RASL10B: variants seen among roughly 807,000 people sequenced by gnomAD.
RASL10B encodes RAS like family 10 member B.
RASL10B carries 10 observed loss-of-function variants against 20.7 expected under a neutral mutation model. The observed-to-expected ratio is 0.48, with a 90% CI of 0.30 to 0.82. The LOEUF is 0.82. RASL10B is among the 40% of genes least tolerant of loss of function. RASL10B has a pLI of 0.07. For missense variants in RASL10B, 231 were observed against 295.4 expected (o/e 0.78, Z 1.60); for synonymous variants, 110 against 123.3 (o/e 0.89, Z 0.72).
rs1555596992 is a variant in RASL10B, at chr17:35,735,248, C to T, written c.64C>T (p.Arg22Cys). The T allele has an allele frequency of 4.3e-6, 7 of 1,613,484 alleles. No homozygotes were observed. Among genetic ancestry groups the T allele is most frequent in the East Asian group, 2.2e-5 (1 of 44,896 alleles). The change falls in exon 2 of 4, where the codon CGC becomes TGC. Residue 22 changes from arginine (R) to cysteine (C), a missense_variant. By Grantham distance (180) the Arg-to-Cys change is radical. Transcript: ENST00000603017. This position sits in a 1 kb window ranked among gnomAD's most constrained non-coding sequence, Gnocchi z 6.7. ...AGGTGTGGGCAAGAGTGCCATCGTG[C>T]GCCAGTTCTTGTACAACGAGTTCAG... ...ARGVGKSAIV[R>C]QFLYNEFSEV...
intron 1 of RASL10B, among the ~76,000 whole-genome samples, chr17:35,734,180 G>C (rs1439362689): frequency 6.6e-6 from 1 of 152,188 alleles, no homozygotes; most frequent in Non-Finnish European, 1.5e-5. Context: ...CAGCTACTCG[G>C]GAGGCTGAGG....
chr17:35,741,110 G>A lies in RASL10B; in HGVS notation c.417G>A (p.Pro139=), dbSNP rs1191920430. The change falls in exon 4 of 4, where the codon CCG becomes CCA. Residue 139 remains proline, a synonymous_variant. Coordinates refer to ENST00000603017, the MANE Select transcript of RASL10B (RefSeq NM_033315.4). The stretch of plus-strand genomic sequence containing the variant: ...ACCTGCAGCGCGGACGCGTGATCCC[G>A]CGCTGGAACGTGTCGCACCTGGTAC... ...KRDLQRGRVI[P]RWNVSHLVRK... is the part of the protein sequence containing the mutation. 6 of 1,613,392 alleles carry A rather than the reference G, an allele frequency of 3.7e-6. No homozygotes were observed. The highest frequency in any genetic ancestry group is 2.5e-6 in the Non-Finnish European group (3 of 1,179,980).
In RASL10B at chr17:35,741,282, C is replaced by A; in HGVS notation, c.589C>A (p.Arg197Ser). 2 of 1,525,260 alleles carry A rather than the reference C, an allele frequency of 1.3e-6. No homozygotes were observed. The highest frequency in any genetic ancestry group is 2.0e-4 in the Middle Eastern group (1 of 4,946). The allele number at this position is 1,525,260 out of a possible 1,614,324, so 94.5% of individuals were successfully genotyped here. A position where few individuals can be genotyped will look rare whatever the true frequency, so the allele number is the denominator to read the frequency against. ...AALRFQGALR[R>S]NRCAIM ...CCTGCGCTTCCAGGGCGCGCTGCGCCGCAACCGCTGCGCCATCATGTGACG... is the reference window on the plus strand; with the variant it reads ...CCTGCGCTTCCAGGGCGCGCTGCGCAGCAACCGCTGCGCCATCATGTGACG... The change falls in exon 4 of 4, where the codon CGC (arginine) becomes AGC (serine). Residue 197 changes from arginine (R) to serine (S), a missense_variant. Coordinates refer to ENST00000603017, the MANE Select transcript of RASL10B (RefSeq NM_033315.4).
chr17:35,741,497 T>C lies in RASL10B; in HGVS notation c.*192T>C. On this transcript the variant is annotated 3_prime_UTR_variant, in exon 4 of 4. Coordinates refer to ENST00000603017, the MANE Select transcript of RASL10B (RefSeq NM_033315.4). ...TCCGTAACTGCCCAGCCCTGCCCCT[T>C]GCCCCCGTGGCTTCCTGGGACAGCC... 3 of 869,992 alleles carry C rather than the reference T, an allele frequency of 3.4e-6. No individual in the cohort carries two copies. Among genetic ancestry groups the C allele is most frequent in the Non-Finnish European group, 4.8e-6 (3 of 627,668 alleles). 53.9% of individuals were successfully genotyped at this position (869,992 alleles called of 1,614,324 possible). A position where few individuals can be genotyped will look rare whatever the true frequency, so the allele number is the denominator to read the frequency against.
chr17:35,740,896 A>G (rs971343485), intron 3 of RASL10B, 139 bp from the exon 4 acceptor site: 5 of 693,052 alleles, frequency 7.2e-6, no homozygotes, highest in Non-Finnish European at 1.2e-5. Context: ...ATCAGAGAAT[A>G]TAACACCTCC....
intron 1 of RASL10B, among the ~76,000 whole-genome samples, chr17:35,733,574 C>T (rs1308728280): frequency 2.0e-5 from 3 of 152,222 alleles, no homozygotes; most frequent in Non-Finnish European, 2.9e-5. Context: ...TGCACCCATG[C>T]GGAAAAGCAT....
At chr17:35,732,600 C>A (rs1444804596) in intron 1 of RASL10B, among the ~76,000 whole-genome samples, 1 of 152,194 alleles carries the variant, frequency 6.6e-6, no homozygotes, top group Non-Finnish European at 1.5e-5. Flanking sequence ...GAGGCTGGCC[C>A]CAGCCTAGGG....
At position 35,741,042 on chromosome 17, in the gene RASL10B, G is replaced by C. The variant is rs371318883; in HGVS notation, c.349G>C (p.Gly117Arg). Residue 117 changes from glycine (G) to arginine (R), a missense_variant, in exon 4 of 4, where the codon GGA becomes CGA. By Grantham distance (125) the Gly-to-Arg change is moderately radical (BLOSUM62 -2). Transcript: ENST00000603017. The stretch of plus-strand genomic sequence containing the variant: ...GCCTGCCTCGCCCCACAGGGTGATC[G>C]GAACCTCAGAGACGCCCATCATCAT... ...RQQILETRVI[G>R]TSETPIIIVG... is the part of the protein sequence containing the mutation. 7 of 1,600,360 alleles carry C rather than the reference G, an allele frequency of 4.4e-6. No individual in the cohort carries two copies. The highest frequency in any genetic ancestry group is 6.0e-6 in the Non-Finnish European group (7 of 1,170,486).
At chr17:35,732,052 A>C (rs1318967321) in intron 1 of RASL10B, among the ~76,000 whole-genome samples, 174 bp downstream of exon 1, 2 of 147,308 alleles carry the variant, frequency 1.4e-5, no homozygotes, top group Non-Finnish European at 3.0e-5. Flanking sequence ...GCCACGTGAG[A>C]GCTGGAGCTG....
rs1308050806 is a variant in RASL10B at position 35,735,808 on chromosome 17, TG to T, written c.216+414del. 1.3e-5 allele frequency among the ~76,000 whole-genome samples: 2 copies of T among 152,020 alleles called. No homozygotes were observed. Among genetic ancestry groups the T allele is most frequent in the Non-Finnish European group, 1.5e-5 (1 of 68,010 alleles). Reference sequence around the variant, plus strand: ...CCATCCAGATGTGTTGGGGTGGAGTTGGGGGGTCACAGAGGGTGATGTCTCA... The same window carrying T: ...CCATCCAGATGTGTTGGGGTGGAGTTGGGGGTCACAGAGGGTGATGTCTCA... On this transcript the variant is annotated intron_variant, in intron 2 of 3. Transcript: ENST00000603017. The surrounding 1 kb of genome is among the most constrained non-coding windows in gnomAD (Gnocchi z 6.7).
At chr17:35,733,709 A>T (rs1555596672) in intron 1 of RASL10B, among the ~76,000 whole-genome samples, 1 of 152,234 alleles carries the variant, frequency 6.6e-6, no homozygotes, top group East Asian at 1.9e-4. Context: ...ACCATCACCA[A>T]CAAAAGAAGA....
intron 2 of RASL10B, among the ~76,000 whole-genome samples, chr17:35,739,214 C>T (rs1345551056): frequency 6.6e-6 from 1 of 152,152 alleles, no homozygotes; most frequent in Non-Finnish European, 1.5e-5. Context: ...TCCTTTTGAT[C>T]CTTCTTGGAA....
intron 2 of RASL10B, 109 bp from the exon 3 acceptor site, chr17:35,740,300 T>C (rs1179747192): frequency 8.7e-5 from 125 of 1,432,082 alleles, no homozygotes; most frequent in Non-Finnish European, 1.1e-4. Context: ...TATGGAAGGC[T>C]TCAGGTGCAG....
At chr17:35,738,091 GAT>G (rs587713774) in intron 2 of RASL10B, among the ~76,000 whole-genome samples, 30 of 152,240 alleles carry the variant, frequency 2.0e-4, no homozygotes, top group African/African-American at 6.7e-4. Context: ...TGAGAGATGA[GAT>G]ATGATATTCT....
At chr17:35,737,445 A>G (rs2085600139) in intron 2 of RASL10B, among the ~76,000 whole-genome samples, 1 of 152,100 alleles carries the variant, frequency 6.6e-6, no homozygotes, top group Non-Finnish European at 1.5e-5. Flanking sequence ...TTCTTGTTGG[A>G]TAAGTGGGTG....
chr17:35,741,458 G>A lies in RASL10B; in HGVS notation c.*153G>A, dbSNP rs2085629059. 3 of 1,170,100 alleles carry A rather than the reference G, an allele frequency of 2.6e-6. No homozygotes were observed. Among genetic ancestry groups the A allele is most frequent in the Non-Finnish European group, 3.4e-6 (3 of 891,158 alleles). 72.5% of individuals were successfully genotyped at this position (1,170,100 alleles called of 1,614,324 possible). On this transcript the variant is annotated 3_prime_UTR_variant, in exon 4 of 4. Transcript: ENST00000603017. ...CGCACCTCCCGGTGAGAAGCAGAGC[G>A]CGAGAGGGAGCCCTCCGTAACTGCC...
chr17:35,740,908 G>A, intron 3 of RASL10B, 127 bp from the exon 4 acceptor site: 1 of 749,648 alleles, frequency 1.3e-6, no homozygotes, highest in Non-Finnish European at 2.1e-6. Flanking sequence ...AACACCTCCA[G>A]GGCTTAGGGC....
rs1555597756 is a variant in RASL10B, at chr17:35,740,519, G to T, written c.327G>T (p.Gln109His). The change falls in exon 3 of 4, where the codon CAG (glutamine) becomes CAT (histidine). Residue 109 changes from glutamine to histidine, a missense_variant. Coordinates refer to ENST00000603017, the MANE Select transcript of RASL10B (RefSeq NM_033315.4). ...SFEYVKTIRQ[Q>H]ILETRVIGTS... ...AGTACGTCAAGACCATCCGCCAGCA[G>T]ATCCTGGAGACGAGGTGAGAGGCTG... The T allele has an allele frequency of 4.3e-6, 7 of 1,613,664 alleles. No homozygotes were observed. The highest frequency in any genetic ancestry group is 5.9e-6 in the Non-Finnish European group (7 of 1,179,772).
At chr17:35,734,292 G>A (rs1303891065) in intron 1 of RASL10B, among the ~76,000 whole-genome samples, 7 of 152,190 alleles carry the variant, frequency 4.6e-5, no homozygotes, top group African/African-American at 1.2e-4. Flanking sequence ...CTGCGACATC[G>A]TAGAAAGGAG....
Sources: gnomAD v4.1 joint callset for allele counts (sites outside exome capture counted in the v4.1 genomes callset) on GRCh38, gnomAD v4.1.1 for gene constraint, Gnocchi (gnomAD v3.1) non-coding constraint, MANE v1.5 for transcripts, NCBI Gene and HGNC (gene_info 2026-07-23, HGNC 2026-07-21) for gene names.